Variants in PRKN observed in about 807,000 individuals in gnomAD.
PRKN encodes the protein E3 ubiquitin-protein ligase parkin.
A neutral mutation model predicts 59.5 loss-of-function variants in PRKN; 56 were observed. The ratio of observed to expected loss-of-function variants is 0.94; its 90% CI spans 0.76 to 1.18. The LOEUF (loss-of-function observed/expected upper bound fraction) is 1.18, where lower values mean the gene tolerates loss of function less well. Among genes scored for constraint, PRKN ranks in the 50% most tolerant of loss-of-function variants. PRKN has a pLI of 0.00. For missense variants in PRKN, 657 were observed against 596.4 expected, an observed-to-expected ratio of 1.10 and a Z score of -1.06; for synonymous variants, 250 against 222.1, an observed-to-expected ratio of 1.13 and a Z score of -1.12.
At chr6:161,382,488 G>A (rs1786040319) in intron 10 of PRKN, among the ~76,000 whole-genome samples, 2 of 152,216 alleles carry the variant, frequency 1.3e-5, no homozygotes, top group South Asian at 4.1e-4. Context: ...GTCTCAGTCT[G>A]CACTCCTGCT....
intron 9 of PRKN, among the ~76,000 whole-genome samples, chr6:161,474,631 G>T (rs1187115353): frequency 6.6e-6 from 1 of 150,828 alleles, no homozygotes; most frequent in East Asian, 1.9e-4. Context: ...GTCTCGCTCT[G>T]TTGCCCAGGC....
intron 1 of PRKN, among the ~76,000 whole-genome samples, chr6:162,600,597 T>C (rs1298654592): frequency 6.6e-6 from 1 of 152,162 alleles, no homozygotes; most frequent in African/African-American, 2.4e-5. Flanking sequence ...CCAAATCTCA[T>C]GTTGAAATGT....
Position 161,790,895 on chromosome 6 carries a change from A to C in PRKN, c.735-4987T>G, listed in dbSNP as rs75497356. The stretch of plus-strand genomic sequence containing the variant: ...GTGAGAACTACTTGAGGTCATTTTG[A>C]TAATTTAGACATGAGTTACTAAGAA... On this transcript the variant is annotated intron_variant, in intron 6 of 11. Transcript: ENST00000366898. Among the ~76,000 whole-genome samples the C allele has an allele frequency of 9.3e-3, 1,419 of 152,268 alleles. 19 individuals are homozygous for C. The highest frequency in any genetic ancestry group is 0.032 in the African/African-American group (1,337 of 41,538).
At position 161,716,440 on chromosome 6, in the gene PRKN, A is replaced by G. The variant is rs145617954; in HGVS notation, c.871+69332T>C. On this transcript the variant is annotated intron_variant, in intron 7 of 11. Coordinates refer to ENST00000366898, the MANE Select transcript of PRKN (RefSeq NM_004562.3). ...GTGGCAATTTGCTGCTGGTAGCTTC[A>G]AAACCATGGCTGCACTATGAACAAA... Among the ~76,000 whole-genome samples, 310 of 152,268 alleles carry G rather than the reference A, an allele frequency of 2.0e-3. 2 individuals are homozygous for G. Among genetic ancestry groups the G allele is most frequent in the African/African-American group, 6.9e-3 (286 of 41,552 alleles).
intron 2 of PRKN, among the ~76,000 whole-genome samples, chr6:162,401,707 A>G (rs1463379053): frequency 6.6e-6 from 1 of 152,216 alleles, no homozygotes; most frequent in African/African-American, 2.4e-5. Context: ...ATATAAGGAA[A>G]GAGAAAGAAA....
chr6:162,432,096 A>G (rs1463043312), intron 2 of PRKN, among the ~76,000 whole-genome samples: 1 of 152,228 alleles, frequency 6.6e-6, no homozygotes, highest in African/African-American at 2.4e-5. Flanking sequence ...CTGAATAACC[A>G]ATGTATAATT....
intron 7 of PRKN, among the ~76,000 whole-genome samples, chr6:161,702,294 T>G (rs1174168819): frequency 6.6e-6 from 1 of 152,126 alleles, no homozygotes; most frequent in East Asian, 1.9e-4. Context: ...ACAAGCCAAG[T>G]GTTCACTGAT....
intron 1 of PRKN, among the ~76,000 whole-genome samples, chr6:162,632,500 G>T (rs1279645470): frequency 1.3e-5 from 2 of 152,106 alleles, no homozygotes; most frequent in East Asian, 3.9e-4. Flanking sequence ...ACTATGAGAA[G>T]GAGGAGGGAG....
At position 161,462,016 on chromosome 6, in the gene PRKN, T is replaced by G. The variant is rs547209386; in HGVS notation, c.1084-75139A>C. 1.3e-4 allele frequency among the ~76,000 whole-genome samples: 19 copies of G among 151,814 alleles called. 1 individual carries two copies. The South Asian group carries it at 4.0e-3, about 32-fold the overall frequency. On this transcript the variant is annotated intron_variant, in intron 9 of 11. Transcript: ENST00000366898. This position sits in a 1 kb window ranked among gnomAD's most constrained non-coding sequence, Gnocchi z 4.5. ...TGTGGGCTGTGAAGGATGGCAATGG[T>G]GGGGGAAGATGGCTGGAAAGGTGGG...
intron 1 of PRKN, among the ~76,000 whole-genome samples, chr6:162,448,495 C>A (rs762838474): frequency 5.3e-5 from 8 of 152,134 alleles, no homozygotes; most frequent in Non-Finnish European, 1.2e-4. Context: ...CATTTCAGTT[C>A]TTATCAGGTT....
intron 7 of PRKN, among the ~76,000 whole-genome samples, chr6:161,596,169 G>A (rs1051064512): frequency 1.3e-5 from 2 of 152,060 alleles, no homozygotes; most frequent in South Asian, 2.1e-4. Context: ...CACATTCTTG[G>A]CACGTTCCCC....
At chr6:161,677,925 T>C (rs1287456836) in intron 7 of PRKN, among the ~76,000 whole-genome samples, 1 of 152,202 alleles carries the variant, frequency 6.6e-6, no homozygotes, top group Non-Finnish European at 1.5e-5. Flanking sequence ...TTTTCAGTTG[T>C]ACTGAAGTGA....
intron 5 of PRKN, among the ~76,000 whole-genome samples, chr6:161,993,660 A>G (rs542890423): frequency 1.2e-4 from 19 of 152,326 alleles, no homozygotes; most frequent in African/African-American, 4.3e-4. Flanking sequence ...GGAATAGGCC[A>G]AGATCACTGT....
At chr6:161,387,849 A>G (rs908056994) in intron 9 of PRKN, among the ~76,000 whole-genome samples, 1 of 152,168 alleles carries the variant, frequency 6.6e-6, no homozygotes, top group African/African-American at 2.4e-5. Context: ...GCCTTCTTCA[A>G]TCTGACTGGT....
intron 3 of PRKN, among the ~76,000 whole-genome samples, chr6:162,224,538 C>T (rs1778081367): frequency 6.6e-6 from 1 of 152,176 alleles, no homozygotes; most frequent in Non-Finnish European, 1.5e-5. Flanking sequence ...TTTACATCCA[C>T]TAATGTGCAT....
chr6:162,153,528 G>T (rs991749060), intron 4 of PRKN, among the ~76,000 whole-genome samples: 2 of 152,190 alleles, frequency 1.3e-5, no homozygotes, highest in Non-Finnish European at 2.9e-5. Flanking sequence ...GCCAGTGAGG[G>T]CAAAGGGGCA....
Position 161,393,789 on chromosome 6 carries a change from G to C in PRKN, c.1084-6912C>G, listed in dbSNP as rs1023035372. 2.0e-5 allele frequency among the ~76,000 whole-genome samples: 3 copies of C among 152,004 alleles called. No homozygotes were observed. The highest frequency in any genetic ancestry group is 4.4e-5 in the Non-Finnish European group (3 of 68,010). ...TTTCTTTGTGCCTGTTTTCTATCAT[G>C]GCTGCATCTATTATAAAAGCATTCT... On this transcript the variant is annotated intron_variant, in intron 9 of 11. Coordinates refer to ENST00000366898, the MANE Select transcript of PRKN (RefSeq NM_004562.3). This position sits in a 1 kb window ranked among gnomAD's most constrained non-coding sequence, Gnocchi z 4.7.
At chr6:161,558,340 T>C (rs1780320473) in intron 8 of PRKN, among the ~76,000 whole-genome samples, 1 of 151,992 alleles carries the variant, frequency 6.6e-6, no homozygotes, top group Non-Finnish European at 1.5e-5. Flanking sequence ...CGTGGGAGGA[T>C]CGTTTGAGAC....
intron 1 of PRKN, among the ~76,000 whole-genome samples, chr6:162,541,747 G>A (rs1358877087): frequency 3.9e-5 from 6 of 152,060 alleles, no homozygotes; most frequent in African/African-American, 1.4e-4. Flanking sequence ...TTTTGCAGCC[G>A]TTTAGCGTTA....
Sources: allele counts gnomAD v4.1 joint callset (sites outside exome capture counted in the v4.1 genomes callset), GRCh38; gene constraint gnomAD v4.1.1; non-coding constraint Gnocchi (gnomAD v3.1); transcripts MANE v1.5; gene names NCBI Gene and HGNC (gene_info 2026-07-23, HGNC 2026-07-21).